Variants in FASTKD1 observed in about 807,000 individuals in gnomAD.
FASTKD1 encodes FAST kinase domains 1, also known as FAST kinase domain-containing protein 1, mitochondrial.
FASTKD1 carries 94 observed loss-of-function variants against 90.9 expected under a neutral mutation model. That is an observed-to-expected ratio of 1.03 (90% CI 0.88 to 1.23). FASTKD1 has a LOEUF of 1.23. Ranked by LOEUF, FASTKD1 falls within the 50% of genes most tolerant of loss-of-function variation. FASTKD1 has a pLI of 0.00. For missense variants in FASTKD1, 945 were observed against 993.5 expected (o/e 0.95, Z 0.66); for synonymous variants, 319 against 345.8 (o/e 0.92, Z 0.86).
rs1284551527 is a variant in FASTKD1 at position 169,560,880 on chromosome 2, G to A, written c.573-95C>T. 19 of 1,013,924 alleles carry A rather than the reference G, an allele frequency of 1.9e-5. No homozygotes were observed. The African/African-American group carries it at 3.5e-4, about 19-fold the overall frequency. The allele number at this position is 1,013,924 out of a possible 1,614,324, so 62.8% of individuals were successfully genotyped here. On this transcript the variant is annotated intron_variant, in intron 4 of 14. Coordinates refer to ENST00000453153, the MANE Select transcript of FASTKD1 (RefSeq NM_024622.6). ...TTTTTTTTTGTAGAAACAGAGTCTT[G>A]CTATGTTGCCAGGGCTGGTCTCAAA...
chr2:169,530,919 T>C (rs765690361), intron 13 of FASTKD1: 8 of 697,730 alleles, frequency 1.1e-5, no homozygotes, highest in South Asian at 1.0e-4. Context: ...TTCATCCATT[T>C]TTTTGGTCCA....
rs1684369506 is a variant in FASTKD1 at position 169,529,046 on chromosome 2, CATTT to C, written c.*775_*778del. Among the ~76,000 whole-genome samples the C allele has an allele frequency of 6.6e-6, 1 of 152,144 alleles. No individual in the cohort carries two copies. The highest frequency in any genetic ancestry group is 6.6e-5 in the Admixed American group (1 of 15,258). On this transcript the variant is annotated 3_prime_UTR_variant, in exon 15 of 15. Transcript: ENST00000453153. ...CTCTCATGGCATTGAATACTGCTGA[CATTT>C]ATACATTTATATCTGGGGCCTGGAC...
intron 7 of FASTKD1, among the ~76,000 whole-genome samples, chr2:169,553,839 G>A (rs1453586283): frequency 1.3e-5 from 2 of 151,884 alleles, no homozygotes; most frequent in Admixed American, 6.6e-5. Context: ...GGAGAATGGC[G>A]TGAACCCGGG....
chr2:169,568,528 C>CATGCATAT, intron 3 of FASTKD1, among the ~76,000 whole-genome samples: 1 of 149,082 alleles, frequency 6.7e-6, no homozygotes, highest in East Asian at 2.0e-4. Flanking sequence ...CATGGTGGCT[C>CATGCATAT]ATGCATATAA....
At chr2:169,555,057 A>T in intron 7 of FASTKD1, 67 bp downstream of exon 7, 1 of 1,471,694 alleles carries the variant, frequency 6.8e-7, no homozygotes, top group Non-Finnish European at 9.3e-7. Context: ...CACTGTACAT[A>T]GTTAAACAAA....
rs571259081 is a variant in FASTKD1 at position 169,545,746 on chromosome 2, GAAAAAGTAAAACCA to G, written c.1701+458_1701+471del. 1.8e-4 allele frequency among the ~76,000 whole-genome samples: 28 copies of G among 152,212 alleles called. No individual in the cohort carries two copies. The Middle Eastern group carries it at 0.017, about 92-fold the overall frequency. ...TAATACCACACGATTACAGAAATAA[GAAAAAGTAAAACCA>G]AAAATCATTCATACTCCACTGTCCT... On this transcript the variant is annotated intron_variant, in intron 8 of 14. Coordinates refer to ENST00000453153, the MANE Select transcript of FASTKD1 (RefSeq NM_024622.6).
chr2:169,553,067 C>T (rs1355802578), intron 7 of FASTKD1, among the ~76,000 whole-genome samples: 3 of 151,712 alleles, frequency 2.0e-5, no homozygotes, highest in Non-Finnish European at 4.4e-5. Context: ...ATTAGCCAGG[C>T]ATGGTGCCTC....
Position 169,571,941 on chromosome 2 carries a change from T to C in FASTKD1, c.89A>G (p.Gln30Arg), listed in dbSNP as rs1684254662. The change falls in exon 2 of 15, where the codon CAA (glutamine) becomes CGA (arginine). Residue 30 changes from glutamine to arginine, a missense_variant. Physicochemically the swap from Gln to Arg is conservative, Grantham distance 43. Transcript: ENST00000453153. ...AICPFSWRVF[Q>R]FRPISCEPLI... ...TGGTTCACAACTGATGGGTCGAAAT[T>C]GAAACACTCTCCAGGAGAATGGACA... The C allele has an allele frequency of 1.2e-6, 2 of 1,614,104 alleles. No individual in the cohort carries two copies. The highest frequency in any genetic ancestry group is 1.7e-6 in the Non-Finnish European group (2 of 1,179,986).
In FASTKD1 at chr2:169,538,157, T is replaced by C. The variant is rs747905089; in HGVS notation, c.1946-16A>G. On this transcript the variant is annotated splice_polypyrimidine_tract_variant and intron_variant, in intron 10 of 14. Transcript: ENST00000453153. ...GGAGATAAAACTGAAATTAATAAAATACTAATGAATTTTGATAGCTGAGAC... is the reference window on the plus strand; with the variant it reads ...GGAGATAAAACTGAAATTAATAAAACACTAATGAATTTTGATAGCTGAGAC... The C allele has an allele frequency of 1.3e-6, 2 of 1,582,128 alleles. No homozygotes were observed. Among genetic ancestry groups the C allele is most frequent in the Non-Finnish European group, 1.7e-6 (2 of 1,170,032 alleles).
intron 5 of FASTKD1, among the ~76,000 whole-genome samples, chr2:169,558,011 C>T (rs1193032768): frequency 6.6e-6 from 1 of 152,224 alleles, no homozygotes; most frequent in Non-Finnish European, 1.5e-5. Context: ...CTTTTCCCAA[C>T]CACTTCAGTC....
chr2:169,542,168 T>C (rs1226093879), intron 9 of FASTKD1, among the ~76,000 whole-genome samples: 1 of 152,198 alleles, frequency 6.6e-6, no homozygotes, highest in Non-Finnish European at 1.5e-5. Flanking sequence ...GCCTTGTTTA[T>C]TGTTTATGTC....
chr2:169,550,909 A>C (rs1017167201), intron 7 of FASTKD1, among the ~76,000 whole-genome samples: 1 of 152,244 alleles, frequency 6.6e-6, no homozygotes, highest in African/African-American at 2.4e-5. Context: ...AAGCTGCATC[A>C]TTGTGGAGCT....
chr2:169,554,291 A>C, intron 7 of FASTKD1, among the ~76,000 whole-genome samples: 1 of 132,712 alleles, frequency 7.5e-6, no homozygotes, highest in Non-Finnish European at 1.7e-5. Context: ...AAAAAAAAAA[A>C]AAAAAAAAAA....
intron 1 of FASTKD1, among the ~76,000 whole-genome samples, chr2:169,572,593 T>C (rs1684283864): frequency 6.6e-6 from 1 of 151,872 alleles, no homozygotes; most frequent in African/African-American, 2.4e-5. Context: ...CTCAGGTTTA[T>C]TTGCTTTCAG....
At chr2:169,535,880 A>G (rs897328222) in intron 12 of FASTKD1, among the ~76,000 whole-genome samples, 2 of 152,230 alleles carry the variant, frequency 1.3e-5, no homozygotes, top group African/African-American at 4.8e-5. Flanking sequence ...AGATAGAGAT[A>G]TCTAGTTCTT....
chr2:169,537,968 A>T, intron 11 of FASTKD1, 45 bp downstream of exon 11: 1 of 1,533,788 alleles, frequency 6.5e-7, no homozygotes, highest in Non-Finnish European at 8.8e-7. Context: ...CTAATAATTT[A>T]CTTTAGAATC....
chr2:169,534,574 C>G (rs1313466528), intron 12 of FASTKD1, among the ~76,000 whole-genome samples: 2 of 151,100 alleles, frequency 1.3e-5, no homozygotes, highest in East Asian at 3.9e-4. Flanking sequence ...ATTCTCCTGC[C>G]TCAGCCTCAG....
chr2:169,540,207 G>A, intron 9 of FASTKD1, 28 bp from the exon 10 acceptor site: 1 of 1,509,646 alleles, frequency 6.6e-7, no homozygotes, highest in South Asian at 1.2e-5. Context: ...TTTTTTTAAA[G>A]GTATAGCTGC....
rs771797962 is a variant in FASTKD1, at chr2:169,544,804, C to T, written c.1733G>A (p.Arg578His). The change falls in exon 9 of 15, where the codon CGT becomes CAT. Residue 578 changes from arginine (R) to histidine (H), a missense_variant. Coordinates refer to ENST00000453153, the MANE Select transcript of FASTKD1 (RefSeq NM_024622.6). ...ATCATAGTTCAATACGCTGAATGGA[C>T]GAATAATAGCAGGGATTGTAAAAGG... ...IHPFTIPAIIRPFSVLNYDPP... is the reference protein window; with the variant it reads ...IHPFTIPAIIHPFSVLNYDPP... 2.2e-5 allele frequency: 35 copies of T among 1,610,392 alleles called. No homozygotes were observed. The highest frequency in any genetic ancestry group is 5.4e-5 in the African/African-American group (4 of 74,674).
Sources: allele counts gnomAD v4.1 joint callset (sites outside exome capture counted in the v4.1 genomes callset), GRCh38; gene constraint gnomAD v4.1.1; transcripts MANE v1.5; gene names NCBI Gene and HGNC (gene_info 2026-07-23, HGNC 2026-07-21).